The following ETFDH variants were observed in gnomAD, a reference collection of about 807,000 sequenced individuals.
The protein encoded by ETFDH is electron transfer flavoprotein-ubiquinone oxidoreductase, mitochondrial.
A neutral mutation model predicts 73.2 loss-of-function variants in ETFDH; 61 were observed. The ratio of observed to expected loss-of-function variants is 0.83; its 90% CI spans 0.68 to 1.03. The LOEUF (loss-of-function observed/expected upper bound fraction) is 1.03, where lower values mean the gene tolerates loss of function less well. Among genes scored for constraint, ETFDH ranks in the 50% least tolerant of loss-of-function variants. The pLI, the probability that ETFDH is intolerant of heterozygous loss-of-function variation, is 0.00. For synonymous variants in ETFDH, 243 were observed against 253.3 expected (o/e 0.96, Z 0.39); for missense variants, 685 against 745.0 (o/e 0.92, Z 0.94).
intron 1 of ETFDH, chr4:158,680,091 A>AAAAAAAAAAAAAG (rs1773808629): frequency 6.6e-6 from 1 of 151,956 alleles, no homozygotes; most frequent in African/African-American, 2.5e-5. Flanking sequence ...TCTCAAAAAA[A>AAAAAAAAAAAAAG]AAAAAAAAAA....
intron 2 of ETFDH, 185 bp from the exon 3 acceptor site, chr4:158,682,010 C>T: frequency 1.4e-6 from 1 of 726,974 alleles, no homozygotes; most frequent in Non-Finnish European, 2.2e-6. Flanking sequence ...AAAGTATGTA[C>T]TGGAACAGAA....
intron 6 of ETFDH, among the ~76,000 whole-genome samples, chr4:158,693,241 C>A (rs1357147406): frequency 6.6e-6 from 1 of 152,192 alleles, no homozygotes; most frequent in African/African-American, 2.4e-5. Context: ...TAGTGGGTAG[C>A]ACTTGACACA....
chr4:158,679,549 A>C (rs984752826), intron 1 of ETFDH: 1 of 152,214 alleles, frequency 6.6e-6, no homozygotes. Context: ...TTATATTAGA[A>C]GTTACTGCCA....
At chr4:158,706,498 G>C in intron 11 of ETFDH, 127 bp downstream of exon 11, 2 of 1,093,272 alleles carry the variant, frequency 1.8e-6, no homozygotes, top group East Asian at 2.4e-5. Flanking sequence ...TCTAAGAACA[G>C]TATATTATTA....
chr4:158,696,163 G>A (rs1774303075), intron 7 of ETFDH, among the ~76,000 whole-genome samples: 1 of 151,950 alleles, frequency 6.6e-6, no homozygotes, highest in Non-Finnish European at 1.5e-5. Flanking sequence ...CAAATCCTAG[G>A]CTTATTAGAA....
intron 1 of ETFDH, 87 bp downstream of exon 1, chr4:158,672,577 C>G: frequency 7.6e-7 from 1 of 1,319,194 alleles, no homozygotes; most frequent in Non-Finnish European, 1.1e-6. Context: ...CACCTCTCGC[C>G]CCTTCTCTCA....
At position 158,692,858 on chromosome 4, in the gene ETFDH, TAA is replaced by T. The variant is rs1221153945; in HGVS notation, c.684+2446_684+2447del. ...CTGGACGACAGAGTGAGACTCCATC[TAA>T]AAAAAAAAAAAAGATTAAAAAAAAA... On this transcript the variant is annotated intron_variant, in intron 6 of 12. Transcript: ENST00000511912. Among the ~76,000 whole-genome samples the T allele has an allele frequency of 1.2e-4, 12 of 98,580 alleles. 1 individual carries two copies. Among genetic ancestry groups the T allele is most frequent in the African/African-American group, 2.9e-4 (8 of 27,826 alleles). 64.7% of individuals were successfully genotyped at this position (98,580 alleles called of 152,430 possible).
Position 158,706,280 on chromosome 4 carries a change from C to CGG in ETFDH, c.1378_1379dup (p.Val461GlufsTer9). 1 of 1,611,300 alleles carries CGG rather than the reference C, an allele frequency of 6.2e-7. No homozygotes were observed. The highest frequency in any genetic ancestry group is 8.5e-7 in the Non-Finnish European group (1 of 1,177,478). ...TTAGAAATATAAGACCGTCCTGCCA[C>CGG]GGAGTACTGGGTGTATATGGAGGGA... On this transcript the variant is annotated frameshift_variant, in exon 11 of 13. Coordinates refer to ENST00000511912, the MANE Select transcript of ETFDH (RefSeq NM_004453.4). LOFTEE classifies it high-confidence loss of function.
intron 1 of ETFDH, 21 bp downstream of exon 1, chr4:158,672,511 G>C (rs768506837): frequency 3.1e-6 from 5 of 1,613,894 alleles, no homozygotes; most frequent in Non-Finnish European, 4.2e-6. Flanking sequence ...ACGGGCGGTG[G>C]GGATAAGTGG....
At position 158,709,324 on chromosome 4, in the gene ETFDH, C is replaced by G. The variant is rs1774733345; in HGVS notation, c.*797C>G. 6.4e-6 allele frequency: 1 copy of G among 155,492 alleles called. No homozygotes were observed. The highest frequency in any genetic ancestry group is 6.5e-5 in the Admixed American group (1 of 15,486). The allele number at this position is 155,492 out of a possible 1,614,324, so 9.6% of individuals were successfully genotyped here. A position where few individuals can be genotyped will look rare whatever the true frequency, so the allele number is the denominator to read the frequency against. ...GGGGTGGATCACAAGGTCAGGAGTTCAAGACCAACGTGACGTGACCAATAT... is the reference window on the plus strand; with the variant it reads ...GGGGTGGATCACAAGGTCAGGAGTTGAAGACCAACGTGACGTGACCAATAT... On this transcript the variant is annotated 3_prime_UTR_variant, in exon 13 of 13. Coordinates refer to ENST00000511912, the MANE Select transcript of ETFDH (RefSeq NM_004453.4).
In ETFDH at chr4:158,697,565, G is replaced by A; in HGVS notation, c.838G>A (p.Val280Ile). 8 of 1,610,400 alleles carry A rather than the reference G, an allele frequency of 5.0e-6. No homozygotes were observed. Among genetic ancestry groups the A allele is most frequent in the Non-Finnish European group, 5.9e-6 (7 of 1,178,746 alleles). ...TYGIGLKELWVIDEKNWKPGR... is the reference protein window; with the variant it reads ...TYGIGLKELWIIDEKNWKPGR... The stretch of plus-strand genomic sequence containing the variant: ...TTGCTTTTTTTTTTTTTAGTTATGG[G>A]TTATTGATGAAAAGAACTGGAAACC... Residue 280 changes from valine (V) to isoleucine (I), a missense_variant, in exon 8 of 13, where the codon GTT becomes ATT. Transcript: ENST00000511912.
chr4:158,684,492 CT>C, intron 3 of ETFDH, 99 bp from the exon 4 acceptor site: 9 of 652,298 alleles, frequency 1.4e-5, no homozygotes, highest in South Asian at 3.7e-5. Flanking sequence ...GGGGGGAGTT[CT>C]TTTTTTGTCA....
At chr4:158,691,047 A>G (rs937723939) in intron 6 of ETFDH, among the ~76,000 whole-genome samples, 2 of 152,204 alleles carry the variant, frequency 1.3e-5, no homozygotes, top group Non-Finnish European at 2.9e-5. Context: ...AATTTTTTAA[A>G]AGATAATAAC....
At chr4:158,694,594 C>CAAA (rs530332578) in intron 6 of ETFDH, among the ~76,000 whole-genome samples, 1,414 of 96,670 alleles carry the variant, frequency 0.015, 16 homozygotes, top group African/African-American at 0.045. Context: ...AACTCTGTCT[C>CAAA]AAAAAAAAAA....
rs1176699242 is a variant in ETFDH, at chr4:158,704,395, C to T, written c.1285+804C>T. ...AGACCCTTTACCAACTCCAGCCACA[C>T]TGGCTTCTTTACAGTTCCCAGAACA... On this transcript the variant is annotated intron_variant, in intron 10 of 12. Transcript: ENST00000511912. Among the ~76,000 whole-genome samples the T allele has an allele frequency of 2.0e-5, 3 of 152,228 alleles. No individual in the cohort carries two copies. The East Asian group carries it at 5.8e-4, about 29-fold the overall frequency.
At chr4:158,694,304 T>A (rs1471698649) in intron 6 of ETFDH, among the ~76,000 whole-genome samples, 3 of 152,080 alleles carry the variant, frequency 2.0e-5, no homozygotes, top group African/African-American at 7.2e-5. Context: ...ATTAAAATAG[T>A]ATTGAGGGCC....
At chr4:158,706,931 G>T (rs1774640253) in intron 12 of ETFDH, 81 bp downstream of exon 12, 1 of 916,292 alleles carries the variant, frequency 1.1e-6, no homozygotes, top group South Asian at 1.3e-5. Context: ...AATGATTTCT[G>T]TATCTCCTTC....
In ETFDH at chr4:158,703,477, T is replaced by A. The variant is rs1774520077; in HGVS notation, c.1171T>A (p.Phe391Ile). The stretch of plus-strand genomic sequence containing the variant: ...TTTACTAATTGGTTGTAGTCCTGGT[T>A]TTATGAATGTTCCCAAGATCAAAGG... Reference protein sequence around the residue: ...GGLLIGCSPGFMNVPKIKGTH... With the variant: ...GGLLIGCSPGIMNVPKIKGTH... The change falls in exon 10 of 13, where the codon TTT (phenylalanine) becomes ATT (isoleucine). Residue 391 changes from phenylalanine to isoleucine, a missense_variant. Phe to Ile is a conservative substitution (Grantham distance 21, BLOSUM62 0). Around this residue, in one of 3 missense-constraint regions of ETFDH, gnomAD observed 79 missense variants for 120.5 expected, o/e 0.66. Coordinates refer to ENST00000511912, the MANE Select transcript of ETFDH (RefSeq NM_004453.4). 1.2e-6 allele frequency: 2 copies of A among 1,611,772 alleles called. No individual in the cohort carries two copies. Among genetic ancestry groups the A allele is most frequent in the African/African-American group, 2.7e-5 (2 of 75,002 alleles).
chr4:158,686,372 A>G (rs1433907060), intron 5 of ETFDH, among the ~76,000 whole-genome samples: 1 of 152,220 alleles, frequency 6.6e-6, no homozygotes, highest in Non-Finnish European at 1.5e-5. Context: ...ATCCTTCAGA[A>G]ATAAAGGCCC....
Sources: allele counts gnomAD v4.1 joint callset (sites outside exome capture counted in the v4.1 genomes callset), GRCh38; gene constraint gnomAD v4.1.1; regional missense constraint gnomAD v4.1.1; transcripts MANE v1.5; gene names NCBI Gene and HGNC (gene_info 2026-07-23, HGNC 2026-07-21).